Variants in CDH13 observed in about 807,000 individuals in gnomAD.
CDH13 encodes cadherin-13.
CDH13 carries 24 observed loss-of-function variants against 63.8 expected under a neutral mutation model. That is an observed-to-expected ratio of 0.38 (90% CI 0.27 to 0.53). The LOEUF is 0.53. Among genes scored for constraint, CDH13 ranks in the 20% least tolerant of loss-of-function variants. The pLI is 0.85. For missense variants in CDH13, 1,049 were observed against 903.1 expected (o/e 1.16, Z -2.07); for synonymous variants, 503 against 355.3 (o/e 1.42, Z -4.67).
chr16:82,711,426 G>C (rs1042970263), intron 1 of CDH13, among the ~76,000 whole-genome samples: 1 of 152,166 alleles, frequency 6.6e-6, no homozygotes, highest in African/African-American at 2.4e-5. Context: ...GAGGAACACA[G>C]TGAAGTAAAC....
chr16:83,422,781 A>G lies in CDH13; in HGVS notation c.782-63696A>G, dbSNP rs142137658. Reference sequence around the variant, plus strand: ...CCCCAACTTTAAAAGGAAGATAATAACAGTACTTTCCTCATGAGCCTGTTT... The same window carrying G: ...CCCCAACTTTAAAAGGAAGATAATAGCAGTACTTTCCTCATGAGCCTGTTT... On this transcript the variant is annotated intron_variant, in intron 6 of 13. Transcript: ENST00000567109. 9.5e-4 allele frequency among the ~76,000 whole-genome samples: 144 copies of G among 152,312 alleles called. 1 individual carries two copies. Among genetic ancestry groups the G allele is most frequent in the African/African-American group, 3.3e-3 (137 of 41,572 alleles).
chr16:83,305,576 G>C (rs1229157104), intron 5 of CDH13, among the ~76,000 whole-genome samples: 1 of 152,176 alleles, frequency 6.6e-6, no homozygotes, highest in African/African-American at 2.4e-5. Context: ...TATCTTCCAA[G>C]TTGGCATCCC....
intron 3 of CDH13, among the ~76,000 whole-genome samples, chr16:83,040,672 C>T (rs1360808714): frequency 1.3e-5 from 2 of 152,196 alleles, no homozygotes; most frequent in African/African-American, 4.8e-5. Flanking sequence ...TACTGACTCA[C>T]ATGTTAATAT....
chr16:83,019,610 C>A (rs1294466275), intron 2 of CDH13, among the ~76,000 whole-genome samples: 2 of 151,300 alleles, frequency 1.3e-5, no homozygotes, highest in East Asian at 1.9e-4. Flanking sequence ...ATCCTCCTGC[C>A]CAAGCATCCC....
chr16:83,507,801 G>A (rs989567391), intron 7 of CDH13, among the ~76,000 whole-genome samples: 3 of 151,892 alleles, frequency 2.0e-5, no homozygotes, highest in Admixed American at 6.6e-5. Flanking sequence ...CTGGAAGGCC[G>A]AGGCAGGCAG....
intron 1 of CDH13, among the ~76,000 whole-genome samples, chr16:82,690,884 C>T (rs533237137): frequency 2.6e-4 from 40 of 152,306 alleles, no homozygotes; most frequent in African/African-American, 8.9e-4. Context: ...GGACCAGAAG[C>T]AGAGCCAGGG....
At chr16:83,239,615 T>C (rs975627440) in intron 5 of CDH13, among the ~76,000 whole-genome samples, 2 of 152,242 alleles carry the variant, frequency 1.3e-5, no homozygotes, top group East Asian at 1.9e-4. Context: ...CTGTCTACTT[T>C]CTGTGACTGA....
intron 1 of CDH13, among the ~76,000 whole-genome samples, chr16:82,678,317 A>C (rs199581498): frequency 3.2e-5 from 3 of 94,646 alleles, no homozygotes; most frequent in African/African-American, 8.1e-5. Flanking sequence ...ATACAGAAAA[A>C]ACTTTTTTTT....
At chr16:82,673,354 C>G (rs954235494) in intron 1 of CDH13, among the ~76,000 whole-genome samples, 3 of 152,136 alleles carry the variant, frequency 2.0e-5, no homozygotes, top group East Asian at 3.8e-4. Flanking sequence ...ACTGAGAACA[C>G]TAATGCCATT....
At chr16:83,097,709 A>C (rs1363568259) in intron 3 of CDH13, among the ~76,000 whole-genome samples, 1 of 152,246 alleles carries the variant, frequency 6.6e-6, no homozygotes, top group Non-Finnish European at 1.5e-5. Flanking sequence ...ATACAAAAGC[A>C]GGAAAATGTA....
At chr16:83,422,945 T>C (rs958559111) in intron 6 of CDH13, among the ~76,000 whole-genome samples, 2 of 152,202 alleles carry the variant, frequency 1.3e-5, no homozygotes, top group Admixed American at 1.3e-4. Context: ...GTACCCACTA[T>C]ATGTAAAACA....
At chr16:83,632,189 G>A (rs1194042454) in intron 8 of CDH13, among the ~76,000 whole-genome samples, 3 of 152,184 alleles carry the variant, frequency 2.0e-5, no homozygotes, top group African/African-American at 7.2e-5. Context: ...TTGACTAGAA[G>A]GGCTGTTTTT....
chr16:83,625,202 G>GTGCT (rs377423159), intron 8 of CDH13, among the ~76,000 whole-genome samples: 4 of 138,784 alleles, frequency 2.9e-5, no homozygotes, highest in South Asian at 2.3e-4. Flanking sequence ...GTGTGTGTGT[G>GTGCT]CATGTGTGTG....
At chr16:83,136,975 T>G (rs911693857) in intron 4 of CDH13, among the ~76,000 whole-genome samples, 1 of 152,214 alleles carries the variant, frequency 6.6e-6, no homozygotes, top group Non-Finnish European at 1.5e-5. Flanking sequence ...AATCTCTGAA[T>G]GTTTAACAAT....
chr16:83,121,925 G>A (rs566374308), intron 3 of CDH13, among the ~76,000 whole-genome samples: 1 of 151,422 alleles, frequency 6.6e-6, no homozygotes, highest in African/African-American at 2.4e-5. Flanking sequence ...CTTGTTTCCT[G>A]TTTGAACTTT....
In CDH13 at chr16:83,088,720, A is replaced by G. The variant is rs191743761; in HGVS notation, c.367-36665A>G. Among the ~76,000 whole-genome samples, 294 of 152,330 alleles carry G rather than the reference A, an allele frequency of 1.9e-3. 2 individuals are homozygous for G. Among genetic ancestry groups the G allele is most frequent in the African/African-American group, 6.6e-3 (276 of 41,582 alleles). ...AACATGTTTAAAGCTGTTTATGTTC[A>G]TCTGATATTTTAACATTTTGTAGAG... On this transcript the variant is annotated intron_variant, in intron 3 of 13. Coordinates refer to ENST00000567109, the MANE Select transcript of CDH13 (RefSeq NM_001257.5).
At chr16:83,781,195 C>G (rs1358333209) in intron 12 of CDH13, among the ~76,000 whole-genome samples, 1 of 152,206 alleles carries the variant, frequency 6.6e-6, no homozygotes, top group Non-Finnish European at 1.5e-5. Context: ...ACTTCTATCA[C>G]TTGCCTTATT....
At chr16:83,244,467 A>T (rs1432642143) in intron 5 of CDH13, among the ~76,000 whole-genome samples, 1 of 152,110 alleles carries the variant, frequency 6.6e-6, no homozygotes, top group Non-Finnish European at 1.5e-5. Context: ...TCTGTCAGAA[A>T]CTGTGCTCGG....
At chr16:83,591,251 T>G (rs1906716026) in intron 7 of CDH13, among the ~76,000 whole-genome samples, 1 of 152,192 alleles carries the variant, frequency 6.6e-6, no homozygotes, top group Non-Finnish European at 1.5e-5. Context: ...CTCTATGTCT[T>G]ACGTACCTGC....
Sources: gnomAD v4.1 joint callset for allele counts (sites outside exome capture counted in the v4.1 genomes callset) on GRCh38, gnomAD v4.1.1 for gene constraint, MANE v1.5 for transcripts, NCBI Gene and HGNC (gene_info 2026-07-23, HGNC 2026-07-21) for gene names.